Variants in PCM1 observed in about 807,000 individuals in gnomAD.
The protein encoded by PCM1 is pericentriolar material 1 protein.
In PCM1, 157 loss-of-function variants were observed where a neutral mutation model predicts 241.9. The observed-to-expected ratio is 0.65, with a 90% CI of 0.57 to 0.74. PCM1 has a LOEUF of 0.74. PCM1 is among the 30% of genes least tolerant of loss of function. The pLI, the probability that PCM1 is intolerant of heterozygous loss-of-function variation, is 0.00. For missense variants in PCM1, 3,478 were observed against 2,360.1 expected, an observed-to-expected ratio of 1.47 and a Z score of -9.81; for synonymous variants, 1,085 against 784.9, an observed-to-expected ratio of 1.38 and a Z score of -6.39.
At chr8:17,934,808 G>A (rs2059982333) in intron 2 of PCM1, 3 of 152,152 alleles carry the variant, frequency 2.0e-5, no homozygotes. Flanking sequence ...CTCTGCCTTT[G>A]AACCTCTACT....
At chr8:17,944,236 A>G (rs940654261) in intron 6 of PCM1, among the ~76,000 whole-genome samples, 9 of 152,142 alleles carry the variant, frequency 5.9e-5, no homozygotes, top group African/African-American at 2.2e-4. Context: ...ATACTTCTGT[A>G]TTTAGAACCC....
chr8:18,009,805 T>G (rs1458929005), intron 31 of PCM1, 61 bp downstream of exon 31: 27 of 1,028,854 alleles, frequency 2.6e-5, no homozygotes, highest in Non-Finnish European at 3.4e-5. Context: ...TCTTGATCAT[T>G]ATTATTAACT....
intron 36 of PCM1, among the ~76,000 whole-genome samples, chr8:18,022,535 C>G (rs371929836): frequency 1.4e-4 from 21 of 152,282 alleles, no homozygotes; most frequent in African/African-American, 4.8e-4. Context: ...TATCCTTCCC[C>G]TAGCAGGTTG....
intron 34 of PCM1, among the ~76,000 whole-genome samples, chr8:18,012,501 G>A (rs568795777): frequency 2.0e-5 from 3 of 152,064 alleles, no homozygotes; most frequent in Non-Finnish European, 2.9e-5. Context: ...ATGGGGTTTG[G>A]TGCTATCCAC....
rs1462317406 is a variant in PCM1, at chr8:18,009,695, G to A, written c.5111G>A (p.Cys1704Tyr). 1.3e-6 allele frequency: 2 copies of A among 1,517,216 alleles called. No individual in the cohort carries two copies. Among genetic ancestry groups the A allele is most frequent in the South Asian group, 1.4e-5 (1 of 72,038 alleles). 94.0% of individuals were successfully genotyped at this position (1,517,216 alleles called of 1,614,324 possible). The change falls in exon 31 of 39, where the codon TGC (cysteine) becomes TAC (tyrosine). Residue 1704 changes from cysteine to tyrosine, a missense_variant. By Grantham distance (194) the Cys-to-Tyr change is radical. Transcript: ENST00000325083. ...AATAGTATAACTGTTAAACAGAGATGCAAAAGGAAAATAGAAGCAACTGGA... is the reference window on the plus strand; with the variant it reads ...AATAGTATAACTGTTAAACAGAGATACAAAAGGAAAATAGAAGCAACTGGA... The part of the protein sequence containing the change: ...DNNSITVKQR[C>Y]KRKIEATGVI...
chr8:17,924,156 C>G (rs1167714988), intron 1 of PCM1, among the ~76,000 whole-genome samples: 2 of 152,074 alleles, frequency 1.3e-5, no homozygotes, highest in African/African-American at 2.4e-5. Context: ...TCTCTGGTTA[C>G]CGGAGTGGGT....
intron 23 of PCM1, among the ~76,000 whole-genome samples, chr8:17,974,336 C>T (rs2077900967): frequency 6.6e-6 from 1 of 152,152 alleles, no homozygotes; most frequent in African/African-American, 2.4e-5. Flanking sequence ...CACAGAGATG[C>T]TCTTTGTCAT....
chr8:17,960,504 T>TGAAAGTACTCTTTTTTGTTTTTG (rs2071214517), intron 15 of PCM1, 60 bp downstream of exon 15: 1 of 1,345,734 alleles, frequency 7.4e-7, no homozygotes, highest in Non-Finnish European at 1.0e-6. Context: ...TTAGGTCAAC[T>TGAAAGTACTCTTTTTTGTTTTTG]GAAAGTACTC....
chr8:18,006,700 G>A (rs922877754), intron 30 of PCM1, among the ~76,000 whole-genome samples: 1 of 152,174 alleles, frequency 6.6e-6, no homozygotes, highest in Non-Finnish European at 1.5e-5. Flanking sequence ...TGTTTACAAA[G>A]TATTCTGTGG....
At chr8:17,960,660 G>A (rs144123383) in intron 15 of PCM1, among the ~76,000 whole-genome samples, 2,355 of 151,322 alleles carry the variant, frequency 0.016, 35 homozygotes, top group Non-Finnish European at 0.02. Flanking sequence ...GAGTAGCTGG[G>A]ACTTCAGGCA....
In PCM1 at chr8:17,947,192, G is replaced by A. The variant is rs951497649; in HGVS notation, c.790G>A (p.Asp264Asn). The A allele has an allele frequency of 8.2e-6, 13 of 1,590,840 alleles. No homozygotes were observed. Among genetic ancestry groups the A allele is most frequent in the Non-Finnish European group, 1.0e-5 (12 of 1,166,798 alleles). The change falls in exon 7 of 39, where the codon GAT becomes AAT. Residue 264 changes from aspartate (D) to asparagine (N), a missense_variant. Coordinates refer to ENST00000325083, the MANE Select transcript of PCM1 (RefSeq NM_006197.4). Reference sequence around the variant, plus strand: ...TGTTGGTCTTATTTTCCAGGCCAGAGATCCTCAGCAGGAGCCTATGGAAGA... The same window carrying A: ...TGTTGGTCTTATTTTCCAGGCCAGAAATCCTCAGCAGGAGCCTATGGAAGA... ...MKFLKKILAR[D>N]PQQEPMEEIE...
rs898231926 is a variant in PCM1, at chr8:17,983,365, A to ATTC, written c.4109-2080_4109-2079insCTT. On this transcript the variant is annotated intron_variant, in intron 24 of 38. Transcript: ENST00000325083. ...TGGTCCTAAAGGTTTTATTGTCCTG[A>ATTC]TTTTTTTCTTTTTTAAATTTAGCTG... 6 of 828,426 alleles carry ATTC rather than the reference A, an allele frequency of 7.2e-6. No individual in the cohort carries two copies. The African/African-American group carries it at 1.1e-4, about 15-fold the overall frequency. 51.3% of individuals were successfully genotyped at this position (828,426 alleles called of 1,614,324 possible).
At chr8:18,000,206 T>C (rs2088780190) in intron 29 of PCM1, among the ~76,000 whole-genome samples, 1 of 152,172 alleles carries the variant, frequency 6.6e-6, no homozygotes, top group East Asian at 1.9e-4. Context: ...CTTCGCGTGT[T>C]GAAGGAACTA....
intron 22 of PCM1, among the ~76,000 whole-genome samples, chr8:17,971,945 A>G (rs1369296501): frequency 6.6e-6 from 1 of 151,772 alleles, no homozygotes; most frequent in Non-Finnish European, 1.5e-5. Flanking sequence ...GGGTCTCACC[A>G]ACTTGTCTGG....
intron 14 of PCM1, 68 bp from the exon 15 acceptor site, chr8:17,960,247 T>C: frequency 6.4e-7 from 1 of 1,565,542 alleles, no homozygotes; most frequent in Non-Finnish European, 8.7e-7. Flanking sequence ...AGGTACTGTG[T>C]TATGTTGTGC....
intron 3 of PCM1, 126 bp downstream of exon 3, chr8:17,935,832 C>T: frequency 1.9e-6 from 1 of 519,800 alleles, no homozygotes. Flanking sequence ...TTAAGGGACC[C>T]TGGGCCGTTT....
At chr8:17,927,372 C>G (rs1290372329) in intron 2 of PCM1, 2 of 152,100 alleles carry the variant, frequency 1.3e-5, no homozygotes, top group Non-Finnish European at 2.9e-5. Flanking sequence ...GCCTCAGCTT[C>G]CCAAAGTGGT....
rs2067577134 is a variant in PCM1, at chr8:17,955,031, C to T, written c.1289-439C>T. Among the ~76,000 whole-genome samples the T allele has an allele frequency of 2.0e-5, 3 of 152,106 alleles. No homozygotes were observed. In the South Asian group the frequency reaches 6.2e-4, roughly 32 times the overall value. On this transcript the variant is annotated intron_variant, in intron 9 of 38. Coordinates refer to ENST00000325083, the MANE Select transcript of PCM1 (RefSeq NM_006197.4). ...TGAAGACCTAATCAGCTACAGCTAC[C>T]CTGTAAAGATTACAGATTGAGTACT... is the stretch of plus-strand genomic sequence containing the variant.
chr8:17,961,813 GT>G (rs2072328861), intron 15 of PCM1, among the ~76,000 whole-genome samples: 1 of 152,032 alleles, frequency 6.6e-6, no homozygotes. Flanking sequence ...TATCCCTGTT[GT>G]TTCTGTTGTT....
Sources: gnomAD v4.1 joint callset for allele counts (sites outside exome capture counted in the v4.1 genomes callset) on GRCh38, gnomAD v4.1.1 for gene constraint, MANE v1.5 for transcripts, NCBI Gene and HGNC (gene_info 2026-07-23, HGNC 2026-07-21) for gene names.